Variants in KCNIP4 observed in about 807,000 individuals in gnomAD.
KCNIP4 encodes potassium voltage-gated channel interacting protein 4.
KCNIP4 carries 12 observed loss-of-function variants against 34.0 expected under a neutral mutation model. That is an observed-to-expected ratio of 0.35 (90% confidence interval 0.23 to 0.57). The LOEUF (loss-of-function observed/expected upper bound fraction) is 0.57. Ranked by LOEUF, KCNIP4 falls within the 20% of genes least tolerant of loss-of-function variation. KCNIP4 has a pLI of 0.83. For synonymous variants in KCNIP4, 124 were observed against 102.2 expected (o/e 1.21, Z -1.29); for missense variants, 238 against 311.7 (o/e 0.76, Z 1.78).
intron 1 of KCNIP4, among the ~76,000 whole-genome samples, chr4:21,747,100 C>G (rs139728836): frequency 6.6e-6 from 1 of 152,106 alleles, no homozygotes; most frequent in African/African-American, 2.4e-5. Flanking sequence ...TACTTTAATG[C>G]TTTGCTTTCA....
At chr4:21,034,949 A>AT (rs1459304792) in intron 1 of KCNIP4, among the ~76,000 whole-genome samples, 1 of 152,168 alleles carries the variant, frequency 6.6e-6, no homozygotes, top group African/African-American at 2.4e-5. Context: ...CTTACTGTCA[A>AT]TTTTGCAGAG....
At chr4:21,255,746 T>C (rs73249520) in intron 1 of KCNIP4, among the ~76,000 whole-genome samples, 12,078 of 152,170 alleles carry the variant, frequency 0.079, 557 homozygotes, top group South Asian at 0.21. Flanking sequence ...GTTGCACATC[T>C]CTTGTATGCA....
chr4:20,965,701 A>G lies in KCNIP4; in HGVS notation c.62-82992T>C, dbSNP rs74352330. Among the ~76,000 whole-genome samples the G allele has an allele frequency of 9.9e-3, 1,505 of 152,326 alleles. 9 individuals are homozygous for G. The highest frequency in any genetic ancestry group is 0.014 in the Middle Eastern group (4 of 294). On this transcript the variant is annotated intron_variant, in intron 1 of 8. Transcript: ENST00000382152. ...TGTAAAATGTGTGTATTTGAAATAT[A>G]TTAGCTAGGCAGGTCAACTCTGAAC...
intron 1 of KCNIP4, among the ~76,000 whole-genome samples, chr4:21,786,713 A>G (rs6843810): frequency 0.99 from 150,580 of 151,386 alleles, 74,893 homozygotes; most frequent in Middle Eastern, 1. Flanking sequence ...GACTACAGGC[A>G]CCCGCCACCA....
At chr4:21,256,061 A>T (rs1761043979) in intron 1 of KCNIP4, among the ~76,000 whole-genome samples, 1 of 152,048 alleles carries the variant, frequency 6.6e-6, no homozygotes, top group Admixed American at 6.5e-5. Context: ...GGTAAAAAAA[A>T]AAATTAGGAT....
intron 1 of KCNIP4, among the ~76,000 whole-genome samples, chr4:21,859,928 C>T (rs1236755435): frequency 6.6e-6 from 1 of 151,930 alleles, no homozygotes; most frequent in Non-Finnish European, 1.5e-5. Flanking sequence ...CAGCTACTCA[C>T]TACTTGGGAG....
intron 1 of KCNIP4, among the ~76,000 whole-genome samples, chr4:21,308,738 G>GTT (rs1712783230): frequency 6.6e-6 from 1 of 150,398 alleles, no homozygotes; most frequent in Non-Finnish European, 1.5e-5. Context: ...GTGTGTGTGT[G>GTT]TAGCAGATAA....
chr4:20,799,976 A>T (rs1227775912), intron 3 of KCNIP4, among the ~76,000 whole-genome samples: 2 of 152,222 alleles, frequency 1.3e-5, no homozygotes, highest in African/African-American at 2.4e-5. Context: ...GGAGAACTGC[A>T]TCCACTTGTG....
intron 2 of KCNIP4, among the ~76,000 whole-genome samples, chr4:20,864,111 T>C (rs113183757): frequency 2.5e-5 from 3 of 120,934 alleles, no homozygotes; most frequent in Admixed American, 8.3e-5. Context: ...TATGTATGTA[T>C]ACATATCCAT....
chr4:21,051,422 T>C (rs1560678321), intron 1 of KCNIP4, among the ~76,000 whole-genome samples: 1 of 152,194 alleles, frequency 6.6e-6, no homozygotes, highest in Admixed American at 6.5e-5. Flanking sequence ...GTTTGTTTAA[T>C]AAAAAGCAGT....
At chr4:21,747,565 A>T (rs2109139076) in intron 1 of KCNIP4, among the ~76,000 whole-genome samples, 1 of 152,270 alleles carries the variant, frequency 6.6e-6, no homozygotes, top group East Asian at 1.9e-4. Flanking sequence ...AAATACCAAG[A>T]TTCAAAGTAC....
intron 1 of KCNIP4, among the ~76,000 whole-genome samples, chr4:21,824,183 T>C (rs1301194754): frequency 6.6e-6 from 1 of 152,168 alleles, no homozygotes; most frequent in African/African-American, 2.4e-5. Context: ...TATTCCTGGA[T>C]ATAGGCCAAA....
At chr4:21,808,141 G>A (rs1458829956) in intron 1 of KCNIP4, among the ~76,000 whole-genome samples, 1 of 152,116 alleles carries the variant, frequency 6.6e-6, no homozygotes, top group Non-Finnish European at 1.5e-5. Flanking sequence ...AGTGGTTTCT[G>A]GACTTGAGAT....
intron 1 of KCNIP4, among the ~76,000 whole-genome samples, chr4:21,356,217 C>T (rs1469350558): frequency 6.6e-6 from 1 of 152,118 alleles, no homozygotes; most frequent in Non-Finnish European, 1.5e-5. Context: ...AAATATCATA[C>T]TGAATGGGCA....
rs141285069 is a variant in KCNIP4, at chr4:20,993,830, T to C, written c.62-111121A>G. Reference sequence around the variant, plus strand: ...AGTCAGAAGTTTGAAATGGTTCTCATTGGGCTTAAATCAAGGTGTTGGCAG... The same window carrying C: ...AGTCAGAAGTTTGAAATGGTTCTCACTGGGCTTAAATCAAGGTGTTGGCAG... On this transcript the variant is annotated intron_variant, in intron 1 of 8. Coordinates refer to ENST00000382152, the MANE Select transcript of KCNIP4 (RefSeq NM_025221.6). 2.3e-3 allele frequency among the ~76,000 whole-genome samples: 355 copies of C among 152,344 alleles called. 1 individual carries two copies. Among genetic ancestry groups the C allele is most frequent in the African/African-American group, 8.0e-3 (334 of 41,594 alleles).
chr4:20,820,230 G>A (rs991468941), intron 3 of KCNIP4, among the ~76,000 whole-genome samples: 1 of 152,192 alleles, frequency 6.6e-6, no homozygotes, highest in Non-Finnish European at 1.5e-5. Context: ...AGGCAATTCT[G>A]ATGAGGCCTT....
In KCNIP4 at chr4:20,732,734, A is replaced by G; in HGVS notation, c.589T>C (p.Tyr197His). Reference protein sequence around the residue: ...AIYDMMGKCTYPVLKEDAPRQ... With the variant: ...AIYDMMGKCTHPVLKEDAPRQ... Reference sequence around the variant, plus strand: ...GGAGCATCTTCTTTGAGGACAGGATATGTACATTTACCCATCATATCGTAT... The same window carrying G: ...GGAGCATCTTCTTTGAGGACAGGATGTGTACATTTACCCATCATATCGTAT... Residue 197 changes from tyrosine (Y) to histidine (H), a missense_variant, in exon 7 of 9, where the codon TAT becomes CAT. Physicochemically the swap from Tyr to His is moderately conservative, Grantham distance 83. Transcript: ENST00000382152. 6.2e-7 allele frequency: 1 copy of G among 1,612,956 alleles called. No homozygotes were observed. Among genetic ancestry groups the G allele is most frequent in the South Asian group, 1.1e-5 (1 of 91,058 alleles).
intron 1 of KCNIP4, among the ~76,000 whole-genome samples, chr4:21,758,759 C>A (rs1015799967): frequency 6.6e-6 from 1 of 152,092 alleles, no homozygotes; most frequent in South Asian, 2.1e-4. Flanking sequence ...GCTGCTTCTG[C>A]CAGAGTCTGT....
At chr4:21,865,680 T>C (rs537357981) in intron 1 of KCNIP4, among the ~76,000 whole-genome samples, 51 of 152,076 alleles carry the variant, frequency 3.4e-4, no homozygotes, top group African/African-American at 1.2e-3. Context: ...GTCGCTGGGA[T>C]TACAGGCATG....
Sources: gnomAD v4.1 joint callset for allele counts (sites outside exome capture counted in the v4.1 genomes callset) on GRCh38, gnomAD v4.1.1 for gene constraint, MANE v1.5 for transcripts, NCBI Gene and HGNC (gene_info 2026-07-23, HGNC 2026-07-21) for gene names.